IPCEF1: variants seen among roughly 807,000 people sequenced by gnomAD.
IPCEF1 encodes interactor protein for cytohesin exchange factors 1.
IPCEF1 carries 31 observed loss-of-function variants against 50.9 expected under a neutral mutation model. The observed-to-expected ratio is 0.61, with a 90% confidence interval of 0.46 to 0.82. The LOEUF (loss-of-function observed/expected upper bound fraction) is 0.82, where lower values mean the gene tolerates loss of function less well. Ranked by LOEUF, IPCEF1 falls within the 40% of genes least tolerant of loss-of-function variation. The pLI is 0.00. For synonymous variants in IPCEF1, 181 were observed against 192.0 expected, an observed-to-expected ratio of 0.94 and a Z score of 0.47; for missense variants, 458 against 514.0, an observed-to-expected ratio of 0.89 and a Z score of 1.05.
intron 5 of IPCEF1, among the ~76,000 whole-genome samples, chr6:154,243,723 T>A (rs1036142054): frequency 1.3e-5 from 2 of 152,180 alleles, no homozygotes; most frequent in African/African-American, 4.8e-5. Flanking sequence ...GGAGTCGGAT[T>A]GGCATGCTGT....
chr6:154,259,053 T>A (rs576352346), intron 3 of IPCEF1, among the ~76,000 whole-genome samples: 1 of 152,318 alleles, frequency 6.6e-6, no homozygotes, highest in South Asian at 2.1e-4. Context: ...GCTCGATTAC[T>A]CAGAGCTGTA....
At chr6:154,179,360 C>G (rs1046382666) in intron 10 of IPCEF1, among the ~76,000 whole-genome samples, 6 of 152,078 alleles carry the variant, frequency 3.9e-5, no homozygotes, top group African/African-American at 1.4e-4. Flanking sequence ...ATATATTTTT[C>G]TAAATTAGAA....
intron 2 of IPCEF1, among the ~76,000 whole-genome samples, chr6:154,268,280 G>A (rs1040815808): frequency 1.3e-5 from 2 of 152,220 alleles, no homozygotes; most frequent in Admixed American, 6.5e-5. Flanking sequence ...GCCTGAGTCT[G>A]GGGGTGGGGT....
intron 5 of IPCEF1, among the ~76,000 whole-genome samples, chr6:154,243,680 G>A (rs116678288): frequency 3.9e-4 from 59 of 152,326 alleles, no homozygotes; most frequent in Non-Finnish European, 6.6e-4. Flanking sequence ...AAACAGGGTG[G>A]TCTTAATTGT....
Position 154,199,393 on chromosome 6 carries a change from G to A in IPCEF1, c.910+275C>T, listed in dbSNP as rs1311297554. On this transcript the variant is annotated intron_variant, in intron 10 of 11. Coordinates refer to ENST00000367220, the MANE Select transcript of IPCEF1 (RefSeq NM_001130700.2). The stretch of plus-strand genomic sequence containing the variant: ...CAAAAAAGAGGCAAGTTTTTTCTCC[G>A]ATTGGTGGAAAAGTATCATTATTTT... 3.3e-5 allele frequency among the ~76,000 whole-genome samples: 5 copies of A among 152,334 alleles called. No individual in the cohort carries two copies. The South Asian group carries it at 6.2e-4, about 19-fold the overall frequency.
chr6:154,191,890 A>G lies in IPCEF1; in HGVS notation c.910+7778T>C, dbSNP rs926198838. Among the ~76,000 whole-genome samples the G allele has an allele frequency of 3.9e-5, 6 of 152,338 alleles. No individual in the cohort carries two copies. In the East Asian group the frequency reaches 7.7e-4, roughly 20 times the overall value. On this transcript the variant is annotated intron_variant, in intron 10 of 11. Transcript: ENST00000367220. ...TCTGCTCAATTTTTCTATAAATCAA[A>G]AAGTGCTCTACAAAGTTAAGCCTAT...
intron 3 of IPCEF1, among the ~76,000 whole-genome samples, chr6:154,260,083 A>G (rs1781558538): frequency 6.6e-6 from 1 of 152,172 alleles, no homozygotes. Context: ...GACTACACAT[A>G]GTCACATAAA....
intron 3 of IPCEF1, among the ~76,000 whole-genome samples, chr6:154,261,039 G>A (rs1385382284): frequency 4.6e-5 from 7 of 152,198 alleles, no homozygotes; most frequent in East Asian, 3.9e-4. Flanking sequence ...TTCTAAAGGC[G>A]TGTGTGTGCA....
intron 3 of IPCEF1, among the ~76,000 whole-genome samples, chr6:154,248,675 A>G (rs1460754691): frequency 6.6e-6 from 1 of 152,188 alleles, no homozygotes; most frequent in Non-Finnish European, 1.5e-5. Context: ...CCTGGAACCA[A>G]TTCCTGGCTA....
chr6:154,335,667 TC>T (rs948474039), intron 1 of IPCEF1, among the ~76,000 whole-genome samples: 4 of 151,950 alleles, frequency 2.6e-5, no homozygotes, highest in African/African-American at 9.7e-5. Context: ...AAGACCCTCA[TC>T]TCAAAAAAAT....
At chr6:154,252,451 C>T (rs4473868) in intron 3 of IPCEF1, among the ~76,000 whole-genome samples, 121,353 of 152,012 alleles carry the variant, frequency 0.8, 49,356 homozygotes, top group Non-Finnish European at 0.87. Context: ...CCAGGGTGGG[C>T]GGATCACGAG....
chr6:154,295,392 T>G (rs945269776), intron 1 of IPCEF1, among the ~76,000 whole-genome samples: 2 of 152,208 alleles, frequency 1.3e-5, no homozygotes, highest in Non-Finnish European at 2.9e-5. Context: ...TGTTGGCAGC[T>G]GCCACTCCAT....
In IPCEF1 at chr6:154,246,704, A is replaced by G. The variant is rs772701298; in HGVS notation, c.133T>C (p.Cys45Arg). 6.2e-7 allele frequency: 1 copy of G among 1,614,122 alleles called. No individual in the cohort carries two copies. The highest frequency in any genetic ancestry group is 1.7e-5 in the Admixed American group (1 of 60,010). ...TTTTTCTTATACAGCCACCCTTGGC[A>G]GTCAGCATGGCCCAGATCTTTACAC... ...ISCKDLGHAD[C>R]QGWLYKKKEK... The change falls in exon 5 of 12, where the codon TGC (cysteine) becomes CGC (arginine). Residue 45 changes from cysteine (C) to arginine (R), a missense_variant. Transcript: ENST00000367220.
At chr6:154,274,832 T>G (rs575514857) in intron 2 of IPCEF1, among the ~76,000 whole-genome samples, 1 of 152,330 alleles carries the variant, frequency 6.6e-6, no homozygotes, top group South Asian at 2.1e-4. Flanking sequence ...CAAGGTTCCC[T>G]TCCCCAGAAC....
chr6:154,187,705 C>T (rs984200047), intron 10 of IPCEF1, among the ~76,000 whole-genome samples: 1 of 152,186 alleles, frequency 6.6e-6, no homozygotes, highest in African/African-American at 2.4e-5. Flanking sequence ...GGTATTAAGG[C>T]GATTAGAATC....
Position 154,159,882 on chromosome 6 carries a change from G to C in IPCEF1, c.1263C>G (p.Thr421=). 3.1e-6 allele frequency: 5 copies of C among 1,613,170 alleles called. No individual in the cohort carries two copies. The highest frequency in any genetic ancestry group is 1.1e-5 in the South Asian group (1 of 90,808). ...AAGGTGATTTCTTGAGTTCCTGGGG[G>C]GTGTCATCAGTGTCATCAGGGGCAG... The part of the protein sequence containing the change: ...ASPAPDDTDD[T]PQELKKSPSS... Residue 421 remains threonine, a synonymous_variant, in exon 12 of 12, where the codon ACC becomes ACG. Transcript: ENST00000367220.
intron 11 of IPCEF1, among the ~76,000 whole-genome samples, chr6:154,164,172 TTAAA>T (rs1229912286): frequency 2.0e-5 from 3 of 152,302 alleles, no homozygotes; most frequent in South Asian, 4.1e-4. Flanking sequence ...TATTAAAAAA[TTAAA>T]TAAGATCTTT....
At chr6:154,308,402 C>T (rs1782992719) in intron 1 of IPCEF1, among the ~76,000 whole-genome samples, 1 of 152,204 alleles carries the variant, frequency 6.6e-6, no homozygotes, top group African/African-American at 2.4e-5. Context: ...ACTGGGATTA[C>T]AGGCTTGAGC....
chr6:154,279,058 G>A (rs1459337968), intron 2 of IPCEF1, among the ~76,000 whole-genome samples: 2 of 150,346 alleles, frequency 1.3e-5, no homozygotes, highest in Non-Finnish European at 2.9e-5. Flanking sequence ...CTGGGGGATA[G>A]AGGTTGCACT....
Sources: allele counts gnomAD v4.1 joint callset (sites outside exome capture counted in the v4.1 genomes callset), GRCh38; gene constraint gnomAD v4.1.1; transcripts MANE v1.5; gene names NCBI Gene and HGNC (gene_info 2026-07-23, HGNC 2026-07-21).